RARB: variants seen among roughly 807,000 people sequenced by gnomAD.
RARB encodes HBV-activated protein.
A neutral mutation model predicts 51.9 loss-of-function variants in RARB; 17 were observed. The ratio of observed to expected loss-of-function variants is 0.33; its 90% confidence interval spans 0.22 to 0.49. RARB has a LOEUF of 0.49. RARB is among the 20% of genes least tolerant of loss of function. The pLI is 0.99. For synonymous variants in RARB, 215 were observed against 195.4 expected, an observed-to-expected ratio of 1.10 and a Z score of -0.84; for missense variants, 369 against 550.8, an observed-to-expected ratio of 0.67 and a Z score of 3.30.
At chr3:25,308,791 T>A (rs1575300862) in intron 5 of RARB, among the ~76,000 whole-genome samples, 1 of 152,156 alleles carries the variant, frequency 6.6e-6, no homozygotes, top group African/African-American at 2.4e-5. Flanking sequence ...CCAATTTACT[T>A]TTTTTGTTCC....
Position 25,064,866 on chromosome 3 carries a change from A to C in RARB, c.-328+4690A>C, listed in dbSNP as rs115319446. 7.4e-3 allele frequency among the ~76,000 whole-genome samples: 1,131 copies of C among 152,266 alleles called. 10 individuals carry two copies. The highest frequency in any genetic ancestry group is 0.014 in the Middle Eastern group (4 of 294). ...CTGTTAGATGCCAAGGTAGTGATCA[A>C]ATGTCATAATCCATGAGGTTCATTT... On this transcript the variant is annotated intron_variant, in intron 3 of 11. Coordinates refer to the RARB transcript ENST00000383772.
chr3:25,134,752 T>G (rs888111805), intron 4 of RARB, among the ~76,000 whole-genome samples: 4 of 152,062 alleles, frequency 2.6e-5, no homozygotes, highest in African/African-American at 9.7e-5. Flanking sequence ...ACAGGGTTTA[T>G]GCTCTTTTCT....
At chr3:25,408,125 A>G (rs1470325942) in intron 5 of RARB, among the ~76,000 whole-genome samples, 1 of 152,174 alleles carries the variant, frequency 6.6e-6, no homozygotes, top group African/African-American at 2.4e-5. Context: ...CCCAAAATAA[A>G]AATATAACAT....
intron 3 of RARB, among the ~76,000 whole-genome samples, chr3:25,516,629 G>GTTTTTTTTTTTTTTTTTTTT (rs1559446380): frequency 8.2e-6 from 1 of 122,634 alleles, no homozygotes; most frequent in African/African-American, 4.7e-5. Context: ...TTATTTCCTT[G>GTTTTTTTTTTTTTTTTTTTT]TCTTTTTTTT....
At chr3:25,063,735 AGG>A (rs1698599664) in intron 3 of RARB, among the ~76,000 whole-genome samples, 1 of 150,466 alleles carries the variant, frequency 6.6e-6, no homozygotes, top group Non-Finnish European at 1.5e-5. Context: ...TAAAAAGATG[AGG>A]AAACAGACCT....
At chr3:25,209,630 T>C (rs1455291014) in intron 5 of RARB, among the ~76,000 whole-genome samples, 1 of 152,234 alleles carries the variant, frequency 6.6e-6, no homozygotes, top group Admixed American at 6.5e-5. Flanking sequence ...CCTCTGCTTC[T>C]GCTGGGTGCA....
chr3:25,449,402 CCTTAA>C (rs72119315), intron 1 of RARB, among the ~76,000 whole-genome samples: 91,803 of 151,530 alleles, frequency 0.61, 28,700 homozygotes, highest in African/African-American at 0.77. Context: ...ATTTCTGTCT[CCTTAA>C]CTTCTTTCTT....
At chr3:25,222,298 C>A (rs924379639) in intron 5 of RARB, among the ~76,000 whole-genome samples, 15 of 152,146 alleles carry the variant, frequency 9.9e-5, no homozygotes, top group African/African-American at 3.1e-4. Flanking sequence ...CTATCAAAAC[C>A]AGTGACCACC....
intron 5 of RARB, among the ~76,000 whole-genome samples, chr3:25,256,497 G>A (rs958242130): frequency 1.8e-4 from 27 of 152,160 alleles, no homozygotes; most frequent in African/African-American, 6.3e-4. Flanking sequence ...ATTGATTGAA[G>A]AGAGAGATCC....
At chr3:25,287,273 T>G (rs371830041) in intron 5 of RARB, among the ~76,000 whole-genome samples, 93 of 152,312 alleles carry the variant, frequency 6.1e-4, no homozygotes, top group African/African-American at 2.2e-3. Context: ...CATCCAAAAT[T>G]CATTTCTGAC....
At chr3:24,863,775 T>C (rs1388578601) in intron 2 of RARB, among the ~76,000 whole-genome samples, 1 of 152,040 alleles carries the variant, frequency 6.6e-6, no homozygotes, top group African/African-American at 2.4e-5. Flanking sequence ...CTAACACTTT[T>C]CTAATCTTAT....
At chr3:25,467,466 T>C (rs1403746353) in intron 2 of RARB, among the ~76,000 whole-genome samples, 1 of 144,970 alleles carries the variant, frequency 6.9e-6, no homozygotes, top group African/African-American at 2.5e-5. Flanking sequence ...CTTCACGTGG[T>C]GGATGGGTTC....
At chr3:25,457,899 G>A (rs764360049) in intron 1 of RARB, among the ~76,000 whole-genome samples, 20 of 152,128 alleles carry the variant, frequency 1.3e-4, no homozygotes, top group Non-Finnish European at 2.2e-4. Flanking sequence ...CTTCTGTGAA[G>A]AACTCAATGC....
chr3:24,853,196 A>C (rs1292579532), intron 1 of RARB, among the ~76,000 whole-genome samples: 1 of 151,276 alleles, frequency 6.6e-6, no homozygotes, highest in East Asian at 1.9e-4. Context: ...AGGCACCTGT[A>C]GTCCCAGCTA....
intron 2 of RARB, among the ~76,000 whole-genome samples, chr3:25,039,953 C>G (rs1262789389): frequency 6.6e-6 from 1 of 152,160 alleles, no homozygotes; most frequent in Non-Finnish European, 1.5e-5. Flanking sequence ...AGGTAACTGT[C>G]CTCAGAAGAG....
In RARB at chr3:25,118,320, C is replaced by T. The variant is rs577392715; in HGVS notation, c.-327-13841C>T. Among the ~76,000 whole-genome samples, 209 of 152,168 alleles carry T rather than the reference C, an allele frequency of 1.4e-3. 3 individuals are homozygous for T. Among genetic ancestry groups the T allele is most frequent in the Non-Finnish European group, 3.7e-4 (25 of 67,996 alleles). ...AAGGCATTTTTTCATCAGGTTCAAC[C>T]TGATGTGGTCCAGATTTGTCACTTT... is the stretch of plus-strand genomic sequence containing the variant. On this transcript the variant is annotated intron_variant, in intron 3 of 11. Transcript: ENST00000383772.
chr3:25,332,938 A>G (rs182128365), intron 5 of RARB, among the ~76,000 whole-genome samples: 1 of 152,326 alleles, frequency 6.6e-6, no homozygotes, highest in East Asian at 1.9e-4. Context: ...TGCTTCAAAG[A>G]GAATAAAATA....
rs532688089 is a variant in RARB, at chr3:25,012,947, G to T, written c.-379-47178G>T. Among the ~76,000 whole-genome samples the T allele has an allele frequency of 9.3e-4, 141 of 152,152 alleles. 1 individual carries two copies. The highest frequency in any genetic ancestry group is 1.9e-3 in the Non-Finnish European group (126 of 67,976). ...AAACTTAAGACTCTGATTAATAATA[G>T]CTGCTGGTATTTAAGAATCTTTTTG... On this transcript the variant is annotated intron_variant, in intron 2 of 11. Transcript: ENST00000383772.
intron 5 of RARB, among the ~76,000 whole-genome samples, chr3:25,391,794 T>C (rs1706967453): frequency 6.6e-6 from 1 of 152,190 alleles, no homozygotes; most frequent in Non-Finnish European, 1.5e-5. Flanking sequence ...ACATTAGTCC[T>C]TTGTTGGATG....
Sources: gnomAD v4.1 joint callset for allele counts (sites outside exome capture counted in the v4.1 genomes callset) on GRCh38, gnomAD v4.1.1 for gene constraint, MANE v1.5 for transcripts, NCBI Gene and HGNC (gene_info 2026-07-23, HGNC 2026-07-21) for gene names.